The following ADAMTS6 variants were observed in gnomAD, a reference collection of about 807,000 sequenced individuals.
The protein encoded by ADAMTS6 is ADAM metallopeptidase with thrombospondin type 1 motif 6, also known as A disintegrin and metalloproteinase with thrombospondin motifs 6.
Under a neutral mutation model 144.3 loss-of-function variants are expected in ADAMTS6, and 23 were observed. The ratio of observed to expected loss-of-function variants is 0.16; its 90% CI spans 0.11 to 0.23. The LOEUF is 0.23. Among genes scored for constraint, ADAMTS6 ranks in the 10% least tolerant of loss-of-function variants. The pLI is 1.00. For synonymous variants in ADAMTS6, 444 were observed against 457.5 expected (o/e 0.97, Z 0.38); for missense variants, 999 against 1,379.6 (o/e 0.72, Z 4.37).
chr5:65,356,029 C>T (rs1749288866), intron 7 of ADAMTS6, among the ~76,000 whole-genome samples: 1 of 151,770 alleles, frequency 6.6e-6, no homozygotes, highest in South Asian at 2.1e-4. Flanking sequence ...TAGAGTAATG[C>T]TAAGAAACAA....
intron 10 of ADAMTS6, among the ~76,000 whole-genome samples, chr5:65,291,713 C>T (rs1177184229): frequency 1.3e-5 from 2 of 152,044 alleles, no homozygotes; most frequent in Non-Finnish European, 2.9e-5. Context: ...GAAAATGTCA[C>T]GTTGGCCTTG....
intron 20 of ADAMTS6, among the ~76,000 whole-genome samples, chr5:65,199,021 G>C (rs532415581): frequency 2.6e-5 from 4 of 152,152 alleles, no homozygotes; most frequent in African/African-American, 9.6e-5. Flanking sequence ...TTAGTCATAG[G>C]AGTCAACTAC....
At chr5:65,233,510 CA>C (rs1758420397) in intron 15 of ADAMTS6, among the ~76,000 whole-genome samples, 2 of 151,802 alleles carry the variant, frequency 1.3e-5, no homozygotes, top group Non-Finnish European at 1.5e-5. Flanking sequence ...AATCAACATA[CA>C]AAAATCAGTC....
chr5:65,339,312 C>T (rs1257583989), intron 7 of ADAMTS6, among the ~76,000 whole-genome samples: 1 of 152,094 alleles, frequency 6.6e-6, no homozygotes, highest in African/African-American at 2.4e-5. Context: ...CCAAGGCTAA[C>T]AGACCCCACC....
intron 9 of ADAMTS6, among the ~76,000 whole-genome samples, chr5:65,314,859 G>A (rs1744841531): frequency 6.6e-6 from 1 of 152,146 alleles, no homozygotes; most frequent in South Asian, 2.1e-4. Context: ...CAGGAAAAGG[G>A]AAAATGACAT....
At chr5:65,356,959 A>G (rs1225356160) in intron 7 of ADAMTS6, among the ~76,000 whole-genome samples, 1 of 151,888 alleles carries the variant, frequency 6.6e-6, no homozygotes, top group Admixed American at 6.6e-5. Flanking sequence ...ATTATTAATA[A>G]AATATCCTCT....
intron 14 of ADAMTS6, among the ~76,000 whole-genome samples, chr5:65,250,546 T>C (rs765966391): frequency 1.4e-4 from 22 of 152,192 alleles, no homozygotes; most frequent in Non-Finnish European, 3.1e-4. Context: ...ACTTAAATCT[T>C]AGAACAGACC....
intron 4 of ADAMTS6, among the ~76,000 whole-genome samples, chr5:65,457,858 C>T (rs1297465620): frequency 1.3e-5 from 2 of 149,310 alleles, no homozygotes; most frequent in Non-Finnish European, 3.0e-5. Context: ...TCCCGAGTAG[C>T]TGGGACTACA....
At chr5:65,426,589 T>C (rs1301798591) in intron 7 of ADAMTS6, among the ~76,000 whole-genome samples, 1 of 152,112 alleles carries the variant, frequency 6.6e-6, no homozygotes, top group Non-Finnish European at 1.5e-5. Context: ...AAAAAATGTA[T>C]AATTTTAAAA....
At chr5:65,318,909 A>G (rs1393855133) in intron 9 of ADAMTS6, among the ~76,000 whole-genome samples, 1 of 152,208 alleles carries the variant, frequency 6.6e-6, no homozygotes, top group East Asian at 1.9e-4. Flanking sequence ...TACAAAGGAT[A>G]CATGCTTGAG....
chr5:65,425,803 C>G (rs1378733020), intron 7 of ADAMTS6, among the ~76,000 whole-genome samples: 6 of 151,708 alleles, frequency 4.0e-5, no homozygotes, highest in Admixed American at 6.6e-5. Context: ...TCACTCTGTC[C>G]CCCAGGCTTG....
intron 15 of ADAMTS6, among the ~76,000 whole-genome samples, chr5:65,238,918 T>C (rs1163694794): frequency 6.6e-6 from 1 of 152,206 alleles, no homozygotes; most frequent in Admixed American, 6.5e-5. Flanking sequence ...CAGGTTTTTC[T>C]GCGGACATTA....
chr5:65,358,249 A>G (rs1749519937), intron 7 of ADAMTS6, among the ~76,000 whole-genome samples: 1 of 151,994 alleles, frequency 6.6e-6, no homozygotes, highest in Non-Finnish European at 1.5e-5. Context: ...CATAAAAAGC[A>G]TTTGACAAAA....
chr5:65,326,932 A>C (rs1254726446), intron 9 of ADAMTS6, among the ~76,000 whole-genome samples: 1 of 152,190 alleles, frequency 6.6e-6, no homozygotes, highest in Non-Finnish European at 1.5e-5. Context: ...TATTGAAAAA[A>C]ATAGTATGTT....
intron 4 of ADAMTS6, 143 bp from the exon 5 acceptor site, chr5:65,453,061 GAA>G (rs2150251408): frequency 7.1e-6 from 4 of 566,530 alleles, no homozygotes; most frequent in Admixed American, 3.9e-5. Flanking sequence ...GCAGTAGTGA[GAA>G]AAAAGTCTGT....
At position 65,224,916 on chromosome 5, in the gene ADAMTS6, A is replaced by G. The variant is rs1757613261; in HGVS notation, c.2191+8T>C. 1 of 1,611,422 alleles carries G rather than the reference A, an allele frequency of 6.2e-7. No individual in the cohort carries two copies. The highest frequency in any genetic ancestry group is 8.5e-7 in the Non-Finnish European group (1 of 1,179,132). On this transcript the variant is annotated splice_region_variant and intron_variant, in intron 17 of 24. Coordinates refer to ENST00000381055, the MANE Select transcript of ADAMTS6 (RefSeq NM_197941.4). ...AGGTGTGAGGAAGAGTTCTCTCTACATACTCACCTCCCCTGGGCAGTGAAT... is the reference window on the plus strand; with the variant it reads ...AGGTGTGAGGAAGAGTTCTCTCTACGTACTCACCTCCCCTGGGCAGTGAAT...
At chr5:65,325,976 G>C (rs1746127896) in intron 9 of ADAMTS6, among the ~76,000 whole-genome samples, 1 of 152,030 alleles carries the variant, frequency 6.6e-6, no homozygotes, top group African/African-American at 2.4e-5. Flanking sequence ...ACATCATCAA[G>C]ATAATAAAAT....
chr5:65,257,812 T>C (rs2112576600), intron 14 of ADAMTS6, among the ~76,000 whole-genome samples: 1 of 152,298 alleles, frequency 6.6e-6, no homozygotes, highest in Non-Finnish European at 1.5e-5. Flanking sequence ...TTAGGTGCCA[T>C]TCTATGCACT....
intron 9 of ADAMTS6, among the ~76,000 whole-genome samples, chr5:65,328,787 G>A (rs909875701): frequency 1.3e-5 from 2 of 151,684 alleles, no homozygotes; most frequent in Non-Finnish European, 2.9e-5. Context: ...GTGGGGGCAG[G>A]GTACATAAGA....
Sources: gnomAD v4.1 joint callset for allele counts (sites outside exome capture counted in the v4.1 genomes callset) on GRCh38, gnomAD v4.1.1 for gene constraint, MANE v1.5 for transcripts, NCBI Gene and HGNC (gene_info 2026-07-23, HGNC 2026-07-21) for gene names.